The following TGFB1 variants were observed in gnomAD, a reference collection of about 807,000 sequenced individuals.
The protein encoded by TGFB1 is transforming growth factor beta-1 proprotein.
Under a neutral mutation model 43.8 loss-of-function variants are expected in TGFB1, and 19 were observed. The ratio of observed to expected loss-of-function variants is 0.43; its 90% CI spans 0.30 to 0.64. The LOEUF is 0.64. Among genes scored for constraint, TGFB1 ranks in the 30% least tolerant of loss-of-function variants. The pLI is 0.11. For synonymous variants in TGFB1, 221 were observed against 236.3 expected, an observed-to-expected ratio of 0.94 and a Z score of 0.60; for missense variants, 445 against 529.8, an observed-to-expected ratio of 0.84 and a Z score of 1.57.
intron 5 of TGFB1, among the ~76,000 whole-genome samples, chr19:41,332,489 G>GC (rs1472903521): frequency 5.3e-5 from 8 of 152,180 alleles, no homozygotes; most frequent in Non-Finnish European, 7.3e-5. Context: ...AGTGCTAAGA[G>GC]CAATGTAATA....
chr19:41,352,352 C>A lies in TGFB1; in HGVS notation c.355+338G>T, dbSNP rs1014187730. ...CACCTGGCACCCCACGACCCCCCCC[C>A]CCATTCAACGCGTCCTGGAAGAGGG... is the stretch of plus-strand genomic sequence containing the variant. On this transcript the variant is annotated intron_variant, in intron 1 of 6. Coordinates refer to ENST00000221930, the MANE Select transcript of TGFB1 (RefSeq NM_000660.7). Among the ~76,000 whole-genome samples, 3 of 146,570 alleles carry A rather than the reference C, an allele frequency of 2.0e-5. No individual in the cohort carries two copies. In the East Asian group the frequency reaches 6.3e-4, roughly 31 times the overall value.
chr19:41,352,543 C>T (rs903693962), intron 1 of TGFB1, 147 bp downstream of exon 1: 1 of 985,660 alleles, frequency 1.0e-6, no homozygotes, highest in Admixed American at 2.0e-5. Flanking sequence ...TCGGACACCC[C>T]CCTCCCACCA....
intron 5 of TGFB1, among the ~76,000 whole-genome samples, chr19:41,340,182 C>T (rs1424553846): frequency 1.3e-5 from 2 of 151,916 alleles, no homozygotes; most frequent in East Asian, 3.9e-4. Context: ...TTCCAGTATG[C>T]CAGTATTGCA....
chr19:41,353,337 G>C lies in TGFB1; in HGVS notation c.-293C>G, dbSNP rs2038240031. ...AGAGATCCGTCTCCTGGAGGAGAAA[G>C]GGTCTAGGATGCGCGGGGGCTCAGG... is the stretch of plus-strand genomic sequence containing the variant. On this transcript the variant is annotated 5_prime_UTR_variant, in exon 1 of 7. Transcript: ENST00000221930. The surrounding 1 kb of genome is among the most constrained non-coding windows in gnomAD (Gnocchi z 5.9). The C allele has an allele frequency of 2.6e-6, 1 of 384,882 alleles. No individual in the cohort carries two copies. The highest frequency in any genetic ancestry group is 4.5e-5 in the Admixed American group (1 of 22,470). The allele number at this position is 384,882 out of a possible 1,614,324, so 23.8% of individuals were successfully genotyped here.
intron 5 of TGFB1, among the ~76,000 whole-genome samples, chr19:41,334,659 T>C (rs2037970621): frequency 6.6e-6 from 1 of 151,784 alleles, no homozygotes; most frequent in African/African-American, 2.4e-5. Flanking sequence ...GCACCTGTAA[T>C]CCCAGCTACT....
chr19:41,344,689 C>T, intron 3 of TGFB1, 58 bp downstream of exon 3: 4 of 1,538,688 alleles, frequency 2.6e-6, no homozygotes, highest in East Asian at 2.2e-5. Flanking sequence ...GACCCCAGGA[C>T]AAACAATGGG....
At chr19:41,335,989 T>G (rs1051869047) in intron 5 of TGFB1, among the ~76,000 whole-genome samples, 1 of 150,096 alleles carries the variant, frequency 6.7e-6, no homozygotes, top group African/African-American at 2.5e-5. Context: ...AATTTTCCTA[T>G]GAAAGTTTTT....
chr19:41,336,560 A>AT (rs55943202), intron 5 of TGFB1, among the ~76,000 whole-genome samples: 32,756 of 143,884 alleles, frequency 0.23, 3,909 homozygotes, highest in East Asian at 0.36. Context: ...TACTTTTCAT[A>AT]TTTTTTTTTT....
rs981119783 is a variant in TGFB1 at position 41,331,072 on chromosome 19, G to C, written c.1153C>G (p.Arg385Gly). Residue 385 changes from arginine (R) to glycine (G), a missense_variant, in exon 7 of 7, where the codon CGC becomes GGC. By Grantham distance (125) the Arg-to-Gly change is moderately radical (BLOSUM62 -2). Transcript: ENST00000221930. Reference sequence around the variant, plus strand: ...GGACCTCAGCTGCACTTGCAGGAGCGCACGATCATGTTGGACAGCTGCTCC... The same window carrying C: ...GGACCTCAGCTGCACTTGCAGGAGCCCACGATCATGTTGGACAGCTGCTCC... ...KVEQLSNMIV[R>G]SCKCS is the part of the protein sequence containing the mutation. 1.6e-5 allele frequency: 26 copies of C among 1,577,606 alleles called. No homozygotes were observed. Among genetic ancestry groups the C allele is most frequent in the Non-Finnish European group, 2.1e-5 (24 of 1,164,088 alleles).
chr19:41,341,359 C>T (rs578212156), intron 5 of TGFB1, among the ~76,000 whole-genome samples: 6 of 146,654 alleles, frequency 4.1e-5, no homozygotes, highest in African/African-American at 1.0e-4. Context: ...CCTAGCTACT[C>T]GGGAGGCTGA....
At chr19:41,337,019 G>A (rs1439410638) in intron 5 of TGFB1, among the ~76,000 whole-genome samples, 15 of 151,476 alleles carry the variant, frequency 9.9e-5, no homozygotes, top group Admixed American at 9.2e-4. Flanking sequence ...GTGAAGTGGT[G>A]CAATCTCGGG....
intron 2 of TGFB1, among the ~76,000 whole-genome samples, chr19:41,345,560 G>A (rs952053052): frequency 2.6e-5 from 4 of 151,984 alleles, no homozygotes; most frequent in Non-Finnish European, 2.9e-5. Flanking sequence ...CTGAGCATAC[G>A]GTTCTGCAAA....
In TGFB1 at chr19:41,344,869, A is replaced by C; in HGVS notation, c.517-5T>G. The C allele has an allele frequency of 6.3e-7, 1 of 1,575,204 alleles. No individual in the cohort carries two copies. The highest frequency in any genetic ancestry group is 8.6e-7 in the Non-Finnish European group (1 of 1,159,588). On this transcript the variant is annotated splice_region_variant and splice_polypyrimidine_tract_variant and intron_variant, in intron 2 of 6. Coordinates refer to ENST00000221930, the MANE Select transcript of TGFB1 (RefSeq NM_000660.7). ...CCAGGAATTGTTGCTGTATTTCTAG[A>C]GGATGATGAAGGCAGGAGAGAGACA...
At chr19:41,333,764 G>A (rs1812920280) in intron 5 of TGFB1, among the ~76,000 whole-genome samples, 1 of 152,174 alleles carries the variant, frequency 6.6e-6, no homozygotes, top group African/African-American at 2.4e-5. Flanking sequence ...TCAGTTACAT[G>A]ACTGAACATC....
chr19:41,332,312 G>A, intron 5 of TGFB1, 31 bp from the exon 6 acceptor site: 1 of 1,605,434 alleles, frequency 6.2e-7, no homozygotes, highest in Non-Finnish European at 8.5e-7. Context: ...TCAGGGGCAG[G>A]GAGGGGCTAC....
intron 1 of TGFB1, among the ~76,000 whole-genome samples, chr19:41,351,736 A>AC (rs1029889554): frequency 2.7e-5 from 4 of 150,480 alleles, no homozygotes; most frequent in African/African-American, 9.8e-5. Flanking sequence ...TTGTAGAGTC[A>AC]CCCCCCACCC....
At chr19:41,352,380 C>G (rs1309735434) in intron 1 of TGFB1, among the ~76,000 whole-genome samples, 1 of 142,410 alleles carries the variant, frequency 7.0e-6, no homozygotes, top group Non-Finnish European at 1.5e-5. Flanking sequence ...GAAGAGGGAG[C>G]CTTCTACCCT....
chr19:41,343,362 G>T (rs967279164), intron 3 of TGFB1, among the ~76,000 whole-genome samples: 6 of 152,060 alleles, frequency 3.9e-5, no homozygotes, highest in African/African-American at 7.2e-5. Context: ...TCGAACTCCC[G>T]ATCTCAGGTG....
chr19:41,331,910 G>T, intron 6 of TGFB1: 1 of 583,678 alleles, frequency 1.7e-6, no homozygotes, highest in Non-Finnish European at 3.0e-6. Context: ...TCACTCTGTG[G>T]GTCTTCATAG....
Sources: allele counts gnomAD v4.1 joint callset (sites outside exome capture counted in the v4.1 genomes callset), GRCh38; gene constraint gnomAD v4.1.1; non-coding constraint Gnocchi (gnomAD v3.1); transcripts MANE v1.5; gene names NCBI Gene and HGNC (gene_info 2026-07-23, HGNC 2026-07-21).